The following GALNT2 variants were observed in gnomAD, a reference collection of about 807,000 sequenced individuals.
GALNT2 encodes polypeptide N-acetylgalactosaminyltransferase 2, also known as UDP-GalNAc:polypeptide N-acetylgalactosaminyltransferase 2.
In GALNT2, 31 loss-of-function variants were observed where a neutral mutation model predicts 81.4. The ratio of observed to expected loss-of-function variants is 0.38; its 90% CI spans 0.29 to 0.51. The LOEUF (loss-of-function observed/expected upper bound fraction) is 0.51, where lower values mean the gene tolerates loss of function less well. GALNT2 is among the 20% of genes least tolerant of loss of function. The pLI, the probability that GALNT2 is intolerant of heterozygous loss-of-function variation, is 0.87. For missense variants in GALNT2, 629 were observed against 765.7 expected (o/e 0.82, Z 2.11); for synonymous variants, 303 against 287.4 (o/e 1.05, Z -0.55).
intron 1 of GALNT2, among the ~76,000 whole-genome samples, chr1:230,175,971 A>G (rs1304040234): frequency 6.6e-6 from 1 of 152,122 alleles, no homozygotes; most frequent in Non-Finnish European, 1.5e-5. Flanking sequence ...ATGTGTCCTC[A>G]TTGTAAGACA....
intron 15 of GALNT2, 46 bp downstream of exon 15, chr1:230,274,610 A>G (rs771995176): frequency 1.4e-5 from 23 of 1,609,996 alleles, no homozygotes; most frequent in Non-Finnish European, 1.9e-5. Flanking sequence ...AACCCAGACC[A>G]GGGTAGCCAC....
In GALNT2 at chr1:230,243,763, GCTTAGAACATTGCCCGGCACCTA is replaced by G. The variant is rs1243585608; in HGVS notation, c.729+337_729+359del. On this transcript the variant is annotated intron_variant, in intron 7 of 15. Coordinates refer to ENST00000366672, the MANE Select transcript of GALNT2 (RefSeq NM_004481.5). This position sits in a 1 kb window ranked among gnomAD's most constrained non-coding sequence, Gnocchi z 4.2. ...TTCCCCGCCTACAGCTTCGCAGAGT[GCTTAGAACATTGCCCGGCACCTA>G]GCAAGTGCCATCTCTTGCAGCTCGC... Among the ~76,000 whole-genome samples, 1 of 152,194 alleles carries G rather than the reference GCTTAGAACATTGCCCGGCACCTA, an allele frequency of 6.6e-6. No individual in the cohort carries two copies. Among genetic ancestry groups the G allele is most frequent in the African/African-American group, 2.4e-5 (1 of 41,456 alleles).
chr1:230,206,462 G>A (rs1664060063), intron 3 of GALNT2, among the ~76,000 whole-genome samples: 1 of 152,126 alleles, frequency 6.6e-6, no homozygotes, highest in Admixed American at 6.5e-5. Context: ...CTAAATTAAA[G>A]TCTATCCATA....
chr1:230,194,119 C>T (rs1298763608), intron 2 of GALNT2, among the ~76,000 whole-genome samples: 2 of 152,222 alleles, frequency 1.3e-5, no homozygotes, highest in Admixed American at 6.5e-5. Context: ...AGAAGAAATT[C>T]TGTACCCAAG....
At chr1:230,209,621 C>A (rs749108660) in intron 3 of GALNT2, among the ~76,000 whole-genome samples, 1 of 152,172 alleles carries the variant, frequency 6.6e-6, no homozygotes, top group Non-Finnish European at 1.5e-5. Flanking sequence ...GCGGGTGAAT[C>A]GCTTGAGTCC....
Position 230,083,867 on chromosome 1 carries a change from G to A in GALNT2, c.126+16461G>A, listed in dbSNP as rs72648055. On this transcript the variant is annotated intron_variant, in intron 1 of 15. Coordinates refer to ENST00000366672, the MANE Select transcript of GALNT2 (RefSeq NM_004481.5). ...TTAGCCCTTCCAATAGAAGGGGGCC[G>A]GAGGGGGCCCACTGTCTGTGTCCTT... Among the ~76,000 whole-genome samples the A allele has an allele frequency of 8.6e-4, 131 of 152,230 alleles. 1 individual carries two copies. The highest frequency in any genetic ancestry group is 4.2e-4 in the South Asian group (2 of 4,818).
At chr1:230,124,400 C>G (rs1661111983) in intron 1 of GALNT2, among the ~76,000 whole-genome samples, 1 of 152,116 alleles carries the variant, frequency 6.6e-6, no homozygotes, top group African/African-American at 2.4e-5. Context: ...GGACTTGTGG[C>G]AAGCTGGAAT....
chr1:230,131,426 C>A (rs1358217381), intron 1 of GALNT2, among the ~76,000 whole-genome samples: 1 of 152,210 alleles, frequency 6.6e-6, no homozygotes, highest in Non-Finnish European at 1.5e-5. Context: ...GTGGGCCCTG[C>A]TTTGAGACAT....
intron 6 of GALNT2, among the ~76,000 whole-genome samples, chr1:230,239,549 C>A (rs573440037): frequency 2.4e-4 from 36 of 152,296 alleles, no homozygotes; most frequent in South Asian, 2.1e-4. Flanking sequence ...CCGGGGGAGA[C>A]CAAGCCAGTC....
intron 1 of GALNT2, among the ~76,000 whole-genome samples, chr1:230,074,267 A>AT (rs1487663790): frequency 6.6e-6 from 1 of 152,042 alleles, no homozygotes; most frequent in Non-Finnish European, 1.5e-5. Context: ...TAATTTTTAA[A>AT]TTTTTTGTAG....
intron 1 of GALNT2, among the ~76,000 whole-genome samples, chr1:230,073,091 A>C (rs1025417868): frequency 1.3e-5 from 2 of 151,818 alleles, no homozygotes; most frequent in African/African-American, 4.8e-5. Context: ...CCATATGCAA[A>C]CCCCCCTGAA....
intron 1 of GALNT2, among the ~76,000 whole-genome samples, chr1:230,164,203 T>C (rs10779835): frequency 0.45 from 69,180 of 152,078 alleles, 18,917 homozygotes; most frequent in Non-Finnish European, 0.61. Context: ...GCATCACTGT[T>C]GCTGTTATTT....
intron 14 of GALNT2, among the ~76,000 whole-genome samples, 189 bp downstream of exon 14, chr1:230,265,556 T>C (rs1431871937): frequency 6.6e-6 from 1 of 152,166 alleles, no homozygotes; most frequent in Non-Finnish European, 1.5e-5. Flanking sequence ...TGTCACACAC[T>C]TTGGTGCATC....
chr1:230,244,892 G>A (rs562066743), intron 7 of GALNT2, among the ~76,000 whole-genome samples: 2 of 150,906 alleles, frequency 1.3e-5, no homozygotes, highest in African/African-American at 4.8e-5. Flanking sequence ...CTGTTCCTCT[G>A]ATGTAGTATG....
chr1:230,091,940 C>G (rs1660097056), intron 1 of GALNT2: 1 of 152,242 alleles, frequency 6.6e-6, no homozygotes, highest in African/African-American at 2.4e-5. Flanking sequence ...TGCTACTTCC[C>G]TGATATCTAG....
chr1:230,148,729 G>T (rs555396314), intron 1 of GALNT2, among the ~76,000 whole-genome samples: 2 of 152,198 alleles, frequency 1.3e-5, no homozygotes, highest in Admixed American at 1.3e-4. Flanking sequence ...TGGGACTACA[G>T]GTGTGCACCA....
intron 1 of GALNT2, among the ~76,000 whole-genome samples, chr1:230,076,736 T>C (rs1659570998): frequency 6.6e-6 from 1 of 152,152 alleles, no homozygotes; most frequent in African/African-American, 2.4e-5. Flanking sequence ...AGATATTTTA[T>C]CGGATTGGTA....
Position 230,274,537 on chromosome 1 carries a change from G to A in GALNT2, c.1533G>A (p.Gln511=). ...CACCGGGCTCTCTTATAAAGCTGCA[G>A]GGCTGCCGAGAAAATGACAGCAGAC... The part of the protein sequence containing the change: ...DRAPGSLIKL[Q]GCRENDSRQK... The change falls in exon 15 of 16, where the codon CAG becomes CAA. Residue 511 remains glutamine (Q), a synonymous_variant. Transcript: ENST00000366672. 1 of 1,614,036 alleles carries A rather than the reference G, an allele frequency of 6.2e-7. No homozygotes were observed. Among genetic ancestry groups the A allele is most frequent in the Non-Finnish European group, 8.5e-7 (1 of 1,179,926 alleles).
chr1:230,175,601 G>GTCC (rs112086633), intron 1 of GALNT2, among the ~76,000 whole-genome samples: 7,606 of 72,768 alleles, frequency 0.1, 497 homozygotes, highest in South Asian at 0.21. Flanking sequence ...TCCCCTCCTC[G>GTCC]TCCTCCTCCT....
Sources: allele counts gnomAD v4.1 joint callset (sites outside exome capture counted in the v4.1 genomes callset), GRCh38; gene constraint gnomAD v4.1.1; non-coding constraint Gnocchi (gnomAD v3.1); transcripts MANE v1.5; gene names NCBI Gene and HGNC (gene_info 2026-07-23, HGNC 2026-07-21).